Variants in CAMK4 observed in about 807,000 individuals in gnomAD.
CAMK4 encodes the protein calcium/calmodulin-dependent protein kinase type IV.
CAMK4 carries 22 observed loss-of-function variants against 44.9 expected under a neutral mutation model. The observed-to-expected ratio is 0.49, with a 90% confidence interval of 0.35 to 0.70. The LOEUF (loss-of-function observed/expected upper bound fraction) is 0.70. Ranked by LOEUF, CAMK4 falls within the 30% of genes least tolerant of loss-of-function variation. The pLI is 0.01. For missense variants in CAMK4, 498 were observed against 586.8 expected, an observed-to-expected ratio of 0.85 and a Z score of 1.56; for synonymous variants, 218 against 215.4, an observed-to-expected ratio of 1.01 and a Z score of -0.11.
intron 7 of CAMK4, among the ~76,000 whole-genome samples, chr5:111,453,176 G>A (rs1015578308): frequency 1.3e-5 from 2 of 152,120 alleles, no homozygotes; most frequent in Non-Finnish European, 2.9e-5. Context: ...GCCAAAGAGG[G>A]GGTAGGATTT....
intron 1 of CAMK4, among the ~76,000 whole-genome samples, chr5:111,235,841 C>A (rs561318307): frequency 6.6e-6 from 1 of 152,060 alleles, no homozygotes; most frequent in Non-Finnish European, 1.5e-5. Flanking sequence ...GAGTGATCCT[C>A]GGGGAGCCAC....
intron 1 of CAMK4, among the ~76,000 whole-genome samples, chr5:111,228,215 G>C (rs1748290192): frequency 6.6e-6 from 1 of 151,724 alleles, no homozygotes; most frequent in South Asian, 2.1e-4. Context: ...CCAAATGAAA[G>C]ATAATTAGAA....
In CAMK4 at chr5:111,437,813, G is replaced by A. The variant is rs370736086; in HGVS notation, c.460-8873G>A. ...TGACAGAATATGAGGCTGGAGAGGA[G>A]CATAGGAACCAGATCACCAAGACCT... On this transcript the variant is annotated intron_variant, in intron 5 of 10. Transcript: ENST00000282356. Among the ~76,000 whole-genome samples the A allele has an allele frequency of 1.8e-4, 27 of 152,246 alleles. No homozygotes were observed. In the South Asian group the frequency reaches 5.6e-3, roughly 32 times the overall value.
At chr5:111,380,169 T>C (rs558895495) in intron 4 of CAMK4, among the ~76,000 whole-genome samples, 1 of 152,290 alleles carries the variant, frequency 6.6e-6, no homozygotes, top group South Asian at 2.1e-4. Flanking sequence ...AATGACTATA[T>C]TTTAAGACAG....
chr5:111,455,675 G>A (rs1372518868), intron 7 of CAMK4, among the ~76,000 whole-genome samples: 1 of 152,144 alleles, frequency 6.6e-6, no homozygotes, highest in Non-Finnish European at 1.5e-5. Context: ...CAGATATATG[G>A]GTGACTACAG....
intron 1 of CAMK4, among the ~76,000 whole-genome samples, chr5:111,335,646 A>G (rs1375991953): frequency 5.9e-5 from 9 of 151,366 alleles, no homozygotes; most frequent in Non-Finnish European, 1.2e-4. Context: ...TAAATGTGGT[A>G]GCAGTGGGCT....
chr5:111,464,751 A>G (rs1754763747), intron 7 of CAMK4, among the ~76,000 whole-genome samples: 1 of 152,206 alleles, frequency 6.6e-6, no homozygotes, highest in South Asian at 2.1e-4. Context: ...TCTCAAGCCA[A>G]AATATATTTG....
At chr5:111,413,571 C>A (rs1454845668) in intron 5 of CAMK4, among the ~76,000 whole-genome samples, 7 of 119,092 alleles carry the variant, frequency 5.9e-5, no homozygotes, top group South Asian at 2.9e-4. Context: ...AGCAACACTC[C>A]ATCTCAAAAA....
chr5:111,267,751 A>G lies in CAMK4; in HGVS notation c.161+43107A>G, dbSNP rs545105573. Among the ~76,000 whole-genome samples, 17 of 151,140 alleles carry G rather than the reference A, an allele frequency of 1.1e-4. No individual in the cohort carries two copies. In the South Asian group the frequency reaches 3.6e-3, roughly 32 times the overall value. ...AAAGAATCTTCATTCTGAAGGACAC[A>G]GGGGATGATAGAATTAGAATATCCC... On this transcript the variant is annotated intron_variant, in intron 1 of 10. Coordinates refer to ENST00000282356, the MANE Select transcript of CAMK4 (RefSeq NM_001744.6).
chr5:111,434,035 G>A (rs1388128681), intron 5 of CAMK4, among the ~76,000 whole-genome samples: 1 of 152,162 alleles, frequency 6.6e-6, no homozygotes, highest in East Asian at 1.9e-4. Context: ...GGTGGCTCAT[G>A]CCTGTAATTC....
At chr5:111,356,569 G>A (rs1224204013) in intron 2 of CAMK4, among the ~76,000 whole-genome samples, 1 of 152,226 alleles carries the variant, frequency 6.6e-6, no homozygotes, top group Non-Finnish European at 1.5e-5. Flanking sequence ...TAGACATGAA[G>A]TCCTTGCCCA....
intron 6 of CAMK4, 111 bp downstream of exon 6, chr5:111,446,887 C>T (rs1016642595): frequency 9.4e-6 from 7 of 741,074 alleles, no homozygotes; most frequent in African/African-American, 1.8e-5. Flanking sequence ...TTCAGTTTTC[C>T]TGAATAATTG....
intron 2 of CAMK4, among the ~76,000 whole-genome samples, chr5:111,363,577 A>G (rs1362864545): frequency 6.6e-6 from 1 of 152,052 alleles, no homozygotes; most frequent in Non-Finnish European, 1.5e-5. Context: ...ATTGAATGGT[A>G]TGACTCACCG....
intron 1 of CAMK4, among the ~76,000 whole-genome samples, chr5:111,254,124 G>T (rs530802930): frequency 1.3e-5 from 2 of 152,194 alleles, no homozygotes; most frequent in African/African-American, 4.8e-5. Flanking sequence ...GCACATGGAT[G>T]TGGAAGTGAC....
intron 1 of CAMK4, among the ~76,000 whole-genome samples, chr5:111,323,128 C>A (rs1421185893): frequency 1.3e-5 from 2 of 151,910 alleles, no homozygotes; most frequent in Non-Finnish European, 2.9e-5. Context: ...TGGTAAAGAA[C>A]ATTACAGATT....
chr5:111,332,937 A>G (rs1352914681), intron 1 of CAMK4, among the ~76,000 whole-genome samples: 1 of 151,666 alleles, frequency 6.6e-6, no homozygotes, highest in African/African-American at 2.4e-5. Context: ...AAAATGTGGT[A>G]TATTCGTTGA....
At chr5:111,296,683 G>C (rs1219478797) in intron 1 of CAMK4, among the ~76,000 whole-genome samples, 1 of 152,184 alleles carries the variant, frequency 6.6e-6, no homozygotes, top group Non-Finnish European at 1.5e-5. Flanking sequence ...AAAGGAATCA[G>C]TAACTGAAAG....
chr5:111,348,202 T>C (rs1048948123), intron 2 of CAMK4, among the ~76,000 whole-genome samples: 1 of 152,048 alleles, frequency 6.6e-6, no homozygotes, highest in Non-Finnish European at 1.5e-5. Flanking sequence ...AGGAAGAATT[T>C]AGTTTACACT....
At chr5:111,475,373 A>G (rs983654319) in intron 8 of CAMK4, among the ~76,000 whole-genome samples, 2 of 152,160 alleles carry the variant, frequency 1.3e-5, no homozygotes, top group Non-Finnish European at 2.9e-5. Context: ...ACTTGGAGAG[A>G]TGGAAGTAGG....
Sources: gnomAD v4.1 joint callset for allele counts (sites outside exome capture counted in the v4.1 genomes callset) on GRCh38, gnomAD v4.1.1 for gene constraint, MANE v1.5 for transcripts, NCBI Gene and HGNC (gene_info 2026-07-23, HGNC 2026-07-21) for gene names.